ARMC9: variants seen among roughly 807,000 people sequenced by gnomAD.
ARMC9 encodes lisH domain-containing protein ARMC9.
A neutral mutation model predicts 107.0 loss-of-function variants in ARMC9; 94 were observed. The observed-to-expected ratio is 0.88, with a 90% CI of 0.74 to 1.04. ARMC9 has a LOEUF of 1.04. Ranked by LOEUF, ARMC9 falls within the 50% of genes least tolerant of loss-of-function variation. The pLI, the probability that ARMC9 is intolerant of heterozygous loss-of-function variation, is 0.00. For synonymous variants in ARMC9, 380 were observed against 396.9 expected, an observed-to-expected ratio of 0.96 and a Z score of 0.51; for missense variants, 942 against 1,030.1, an observed-to-expected ratio of 0.91 and a Z score of 1.17.
chr2:231,274,368 G>A (rs1235379328), intron 14 of ARMC9, among the ~76,000 whole-genome samples: 3 of 151,888 alleles, frequency 2.0e-5, no homozygotes, highest in East Asian at 1.9e-4. Context: ...CACCCGCCTC[G>A]GCCTCCCAAA....
intron 12 of ARMC9, among the ~76,000 whole-genome samples, chr2:231,269,215 T>C (rs80170759): frequency 0.012 from 1,897 of 152,276 alleles, 18 homozygotes; most frequent in Non-Finnish European, 0.018. Flanking sequence ...ATTGAGCACT[T>C]TGTGGGCCCT....
chr2:231,299,152 G>C (rs2041565954), intron 19 of ARMC9, among the ~76,000 whole-genome samples: 3 of 151,976 alleles, frequency 2.0e-5, no homozygotes, highest in South Asian at 2.1e-4. Flanking sequence ...AGTTATGTCT[G>C]AATATACATA....
chr2:231,366,011 A>AG (rs1215605385), intron 23 of ARMC9, among the ~76,000 whole-genome samples: 1 of 151,944 alleles, frequency 6.6e-6, no homozygotes. Flanking sequence ...TCCTAGGGAG[A>AG]GGGGGACAGG....
chr2:231,214,761 T>G, intron 3 of ARMC9, 70 bp from the exon 4 acceptor site: 1 of 1,489,092 alleles, frequency 6.7e-7, no homozygotes, highest in Non-Finnish European at 9.3e-7. Context: ...TCTGTGGTGT[T>G]GAGTGGGTTG....
At chr2:231,352,009 C>G (rs987068225) in intron 21 of ARMC9, among the ~76,000 whole-genome samples, 5 of 152,030 alleles carry the variant, frequency 3.3e-5, no homozygotes, top group African/African-American at 1.2e-4. Flanking sequence ...GCTCTGTCAC[C>G]CCGGCTGGAG....
At chr2:231,363,756 G>A (rs1467027281) in intron 23 of ARMC9, among the ~76,000 whole-genome samples, 5 of 151,862 alleles carry the variant, frequency 3.3e-5, no homozygotes, top group Admixed American at 6.6e-5. Context: ...GTGGTGGCAC[G>A]TGCTTGTAGT....
Position 231,259,057 on chromosome 2 carries a change from G to T in ARMC9, c.981G>T (p.Leu327Phe). ...DYEKLKKDLI[L>F]GSDRLKAFLL... is the part of the protein sequence containing the mutation. Reference sequence around the variant, plus strand: ...AGAAACTGAAGAAGGATTTGATTTTGGGGAGTGACCGCTTGAAAGCCTTCT... The same window carrying T: ...AGAAACTGAAGAAGGATTTGATTTTTGGGAGTGACCGCTTGAAAGCCTTCT... Residue 327 changes from leucine to phenylalanine, a missense_variant, in exon 11 of 25, where the codon TTG becomes TTT. Transcript: ENST00000611582. The T allele has an allele frequency of 6.2e-7, 1 of 1,614,142 alleles. No individual in the cohort carries two copies. Among genetic ancestry groups the T allele is most frequent in the African/African-American group, 1.3e-5 (1 of 75,034 alleles).
chr2:231,339,490 G>C (rs547970862), intron 20 of ARMC9, among the ~76,000 whole-genome samples: 6 of 152,170 alleles, frequency 3.9e-5, no homozygotes, highest in African/African-American at 1.4e-4. Context: ...CTGGAGTGCA[G>C]TTGTGCAATC....
At chr2:231,284,524 A>T (rs1199995365) in intron 17 of ARMC9, among the ~76,000 whole-genome samples, 2 of 152,140 alleles carry the variant, frequency 1.3e-5, no homozygotes, top group Non-Finnish European at 2.9e-5. Flanking sequence ...CTGGCTATTG[A>T]CTGGGGACCT....
At chr2:231,296,035 A>T (rs578033872) in intron 18 of ARMC9, 163 bp from the exon 19 acceptor site, 737 of 461,776 alleles carry the variant, frequency 1.6e-3, no homozygotes, top group Non-Finnish European at 1.9e-3. Flanking sequence ...ATGATCTCAG[A>T]CAGTGACTGA....
At position 231,327,981 on chromosome 2, in the gene ARMC9, C is replaced by T. The variant is rs553324128; in HGVS notation, c.1774-3812C>T. On this transcript the variant is annotated intron_variant, in intron 19 of 24. Coordinates refer to ENST00000611582, the MANE Select transcript of ARMC9 (RefSeq NM_001352754.2). ...TGTTTTTTTCGTAGAGACGGTGTTTCGCCATGTTGCCCAGGCTGGTCTCAA... is the reference window on the plus strand; with the variant it reads ...TGTTTTTTTCGTAGAGACGGTGTTTTGCCATGTTGCCCAGGCTGGTCTCAA... Among the ~76,000 whole-genome samples the T allele has an allele frequency of 3.9e-5, 6 of 152,102 alleles. No individual in the cohort carries two copies. In the East Asian group the frequency reaches 7.7e-4, roughly 20 times the overall value.
chr2:231,284,928 G>A (rs1315341892), intron 17 of ARMC9, among the ~76,000 whole-genome samples: 2 of 152,168 alleles, frequency 1.3e-5, no homozygotes, highest in African/African-American at 4.8e-5. Context: ...AGCCAGAAGC[G>A]GTGGCTCACG....
At chr2:231,290,950 GTT>G (rs58962746) in intron 17 of ARMC9, among the ~76,000 whole-genome samples, 61,259 of 135,344 alleles carry the variant, frequency 0.45, 16,102 homozygotes, top group African/African-American at 0.77. Context: ...TTTTACAATA[GTT>G]TTTTTTTTTT....
chr2:231,244,007 A>G (rs534185082), intron 9 of ARMC9, among the ~76,000 whole-genome samples: 54 of 152,352 alleles, frequency 3.5e-4, no homozygotes, highest in African/African-American at 1.3e-3. Context: ...TACGTGGCAC[A>G]GATCAGCGTC....
At chr2:231,337,290 ATTTTTTTTTTT>A (rs58078324) in intron 20 of ARMC9, among the ~76,000 whole-genome samples, 9 of 38,016 alleles carry the variant, frequency 2.4e-4, no homozygotes, top group South Asian at 1.1e-3. Context: ...ATATATATAT[ATTTTTTTTTTT>A]TTTTTTTTTT....
At chr2:231,200,800 A>G (rs2030784739) in intron 1 of ARMC9, among the ~76,000 whole-genome samples, 1 of 151,412 alleles carries the variant, frequency 6.6e-6, no homozygotes, top group African/African-American at 2.4e-5. Context: ...CCGCCACTGC[A>G]CTCCAGCCTG....
intron 19 of ARMC9, among the ~76,000 whole-genome samples, chr2:231,311,900 C>CAA (rs1010626943): frequency 6.6e-6 from 1 of 151,808 alleles, no homozygotes; most frequent in African/African-American, 2.4e-5. Flanking sequence ...GGAGAATTTT[C>CAA]ACAAAGTGCA....
chr2:231,282,734 GCTTA>G (rs1165178703), intron 17 of ARMC9, among the ~76,000 whole-genome samples: 1 of 152,146 alleles, frequency 6.6e-6, no homozygotes, highest in African/African-American at 2.4e-5. Context: ...AATTGGTTTT[GCTTA>G]CTTAAAGAAT....
chr2:231,342,367 C>A (rs1415191536), intron 20 of ARMC9, among the ~76,000 whole-genome samples: 1 of 152,228 alleles, frequency 6.6e-6, no homozygotes, highest in Non-Finnish European at 1.5e-5. Flanking sequence ...AAATAACTGG[C>A]AGAGTCTAAA....
Sources: allele counts gnomAD v4.1 joint callset (sites outside exome capture counted in the v4.1 genomes callset), GRCh38; gene constraint gnomAD v4.1.1; transcripts MANE v1.5; gene names NCBI Gene and HGNC (gene_info 2026-07-23, HGNC 2026-07-21).